The following CCSER1 variants were observed in gnomAD, a reference collection of about 807,000 sequenced individuals.
CCSER1 encodes coiled-coil serine rich protein 1.
Under a neutral mutation model 82.0 loss-of-function variants are expected in CCSER1, and 41 were observed. The ratio of observed to expected loss-of-function variants is 0.50; its 90% CI spans 0.39 to 0.65. CCSER1 has a LOEUF of 0.65. Ranked by LOEUF, CCSER1 falls within the 30% of genes least tolerant of loss-of-function variation. The probability of loss-of-function intolerance (pLI) is 0.00; values close to 1 mark genes in which losing one functional copy is unlikely to be tolerated. For synonymous variants in CCSER1, 414 were observed against 383.9 expected (o/e 1.08, Z -0.92); for missense variants, 1,119 against 1,064.2 (o/e 1.05, Z -0.72).
intron 8 of CCSER1, among the ~76,000 whole-genome samples, chr4:90,887,640 T>G (rs1239941028): frequency 6.6e-6 from 1 of 152,104 alleles, no homozygotes; most frequent in African/African-American, 2.4e-5. Flanking sequence ...TCCCAGCACT[T>G]TGGGAGGCCA....
intron 10 of CCSER1, among the ~76,000 whole-genome samples, chr4:91,468,016 G>T (rs1439195195): frequency 6.6e-6 from 1 of 152,116 alleles, no homozygotes; most frequent in Non-Finnish European, 1.5e-5. Context: ...ATACCCAAAG[G>T]ATTATAAATC....
intron 10 of CCSER1, among the ~76,000 whole-genome samples, chr4:91,259,370 C>G (rs960501491): frequency 6.6e-6 from 1 of 152,070 alleles, no homozygotes; most frequent in African/African-American, 2.4e-5. Context: ...CATTCATTTT[C>G]CTTATAGTTC....
intron 10 of CCSER1, among the ~76,000 whole-genome samples, chr4:91,316,756 A>G (rs1745862239): frequency 6.6e-6 from 1 of 151,980 alleles, no homozygotes; most frequent in Non-Finnish European, 1.5e-5. Flanking sequence ...TTAAAGTGTA[A>G]GTCATATCAT....
At chr4:91,223,543 G>A (rs1737917806) in intron 10 of CCSER1, among the ~76,000 whole-genome samples, 1 of 152,094 alleles carries the variant, frequency 6.6e-6, no homozygotes, top group Non-Finnish European at 1.5e-5. Flanking sequence ...TGGCACAGAT[G>A]GCCTCAGAAT....
chr4:91,350,240 C>G (rs1748380089), intron 10 of CCSER1, among the ~76,000 whole-genome samples: 1 of 152,050 alleles, frequency 6.6e-6, no homozygotes, highest in Admixed American at 6.5e-5. Context: ...AAATTTAGAT[C>G]TGAATCTACC....
intron 6 of CCSER1, among the ~76,000 whole-genome samples, chr4:90,719,778 A>G (rs924807854): frequency 2.6e-5 from 4 of 152,140 alleles, no homozygotes; most frequent in Admixed American, 2.0e-4. Flanking sequence ...TGGTTGAGGT[A>G]GTGTGTGCTG....
chr4:90,320,512 T>G lies in CCSER1; in HGVS notation c.1509+7465T>G, dbSNP rs562401755. Among the ~76,000 whole-genome samples, 350 of 152,292 alleles carry G rather than the reference T, an allele frequency of 2.3e-3. 7 individuals are homozygous for G. Among genetic ancestry groups the G allele is most frequent in the African/African-American group, 8.4e-3 (348 of 41,576 alleles). On this transcript the variant is annotated intron_variant, in intron 3 of 10. Coordinates refer to ENST00000509176, the MANE Select transcript of CCSER1 (RefSeq NM_001145065.2). ...TTATAGAATGGTTTCTAGGATTATA[T>G]GAGTACGATAGTTATAAACTGGCCA...
chr4:91,508,162 G>GTTTTTTTT (rs139066436), intron 10 of CCSER1, among the ~76,000 whole-genome samples: 2 of 97,646 alleles, frequency 2.0e-5, no homozygotes, highest in African/African-American at 4.0e-5. Context: ...TTTTTTCTGG[G>GTTTTTTTT]TTTTTTTTTT....
chr4:90,643,595 G>T (rs1726966280), intron 6 of CCSER1, among the ~76,000 whole-genome samples: 1 of 152,132 alleles, frequency 6.6e-6, no homozygotes, highest in Admixed American at 6.5e-5. Context: ...CAAATGCATG[G>T]AACAGTGTTG....
Position 90,757,361 on chromosome 4 carries a change from G to GT in CCSER1, c.2010+33371dup, listed in dbSNP as rs553551445. ...AAAGGTTAAAGCAGATGGAACTCCC[G>GT]TATCATTCAGGTTAAAACTGGCTTG... On this transcript the variant is annotated intron_variant, in intron 7 of 10. Transcript: ENST00000509176. 8.8e-4 allele frequency among the ~76,000 whole-genome samples: 134 copies of GT among 152,296 alleles called. 2 individuals are homozygous for GT. The East Asian group carries it at 0.018, about 21-fold the overall frequency.
At chr4:90,421,835 T>G (rs1756740959) in intron 4 of CCSER1, among the ~76,000 whole-genome samples, 8 of 152,008 alleles carry the variant, frequency 5.3e-5, no homozygotes, top group Admixed American at 5.2e-4. Flanking sequence ...ATTGAAAAAT[T>G]GGTGGGTCTT....
intron 1 of CCSER1, among the ~76,000 whole-genome samples, chr4:90,283,768 T>C (rs1182560289): frequency 1.3e-5 from 2 of 152,112 alleles, no homozygotes; most frequent in African/African-American, 2.4e-5. Context: ...TTGGCTCTTG[T>C]GAATAGGGCT....
intron 7 of CCSER1, among the ~76,000 whole-genome samples, chr4:90,748,291 G>T (rs975697553): frequency 6.7e-6 from 1 of 148,362 alleles, no homozygotes; most frequent in African/African-American, 2.5e-5. Flanking sequence ...GCGGTGTTGG[G>T]TTTTTTGTTC....
intron 9 of CCSER1, among the ~76,000 whole-genome samples, chr4:91,038,085 G>T (rs1232128167): frequency 6.6e-6 from 1 of 152,034 alleles, no homozygotes; most frequent in Non-Finnish European, 1.5e-5. Context: ...TCAATTGAAA[G>T]GTACCCTGTC....
intron 5 of CCSER1, among the ~76,000 whole-genome samples, chr4:90,609,542 C>T (rs1008184503): frequency 6.6e-6 from 1 of 152,084 alleles, no homozygotes; most frequent in South Asian, 2.1e-4. Flanking sequence ...TTATCCCAAC[C>T]TTCAAACTTC....
Position 90,354,825 on chromosome 4 carries a change from A to C in CCSER1, c.1509+41778A>C, listed in dbSNP as rs1431220373. ...TTTTTTTTCCTAGTGGAACGATTCT[A>C]TCTCTATTAGAAGTTTTGCCATATT... On this transcript the variant is annotated intron_variant, in intron 3 of 10. Transcript: ENST00000509176. Among the ~76,000 whole-genome samples, 3 of 151,852 alleles carry C rather than the reference A, an allele frequency of 2.0e-5. No individual in the cohort carries two copies. In the East Asian group the frequency reaches 5.8e-4, roughly 29 times the overall value.
In CCSER1 at chr4:90,218,857, AAAAT is replaced by A. The variant is rs10679218; in HGVS notation, c.-41-89373_-41-89370del. On this transcript the variant is annotated intron_variant, in intron 1 of 10. Transcript: ENST00000509176. ...CAACATAGCAAAACCCTGTCTTTAC[AAAAT>A]AAATAAATAAATATTAATATGTCTA... Among the ~76,000 whole-genome samples the A allele has an allele frequency of 2.0e-5, 3 of 150,830 alleles. No individual in the cohort carries two copies. The South Asian group carries it at 6.3e-4, about 32-fold the overall frequency.
intron 10 of CCSER1, among the ~76,000 whole-genome samples, chr4:91,412,212 T>C (rs1037907546): frequency 8.6e-5 from 13 of 152,028 alleles, no homozygotes; most frequent in African/African-American, 3.1e-4. Context: ...AATATATCTA[T>C]ATTCCTGTTT....
At chr4:90,483,838 A>G (rs888045049) in intron 5 of CCSER1, among the ~76,000 whole-genome samples, 3 of 152,120 alleles carry the variant, frequency 2.0e-5, no homozygotes, top group Admixed American at 6.5e-5. Context: ...GGTGAATCTG[A>G]CAATTATGTA....
Sources: allele counts gnomAD v4.1 joint callset (sites outside exome capture counted in the v4.1 genomes callset), GRCh38; gene constraint gnomAD v4.1.1; transcripts MANE v1.5; gene names NCBI Gene and HGNC (gene_info 2026-07-23, HGNC 2026-07-21).